ZMYND15: variants seen among roughly 807,000 people sequenced by gnomAD.
ZMYND15 encodes zinc finger MYND domain-containing protein 15.
Under a neutral mutation model 81.7 loss-of-function variants are expected in ZMYND15, and 54 were observed. That is an observed-to-expected ratio of 0.66 (90% CI 0.53 to 0.83). The LOEUF (loss-of-function observed/expected upper bound fraction) is 0.83. Among genes scored for constraint, ZMYND15 ranks in the 40% least tolerant of loss-of-function variants. The pLI, the probability that ZMYND15 is intolerant of heterozygous loss-of-function variation, is 0.00. For synonymous variants in ZMYND15, 399 were observed against 387.0 expected (o/e 1.03, Z -0.36); for missense variants, 925 against 973.5 (o/e 0.95, Z 0.66).
Position 4,745,318 on chromosome 17 carries a change from A to C in ZMYND15, c.2000A>C (p.Gln667Pro). The C allele has an allele frequency of 1.2e-6, 2 of 1,610,864 alleles. No homozygotes were observed. The highest frequency in any genetic ancestry group is 1.7e-6 in the Non-Finnish European group (2 of 1,178,798). ...ACTGGAGGGGGCACCAGCCCTCCCCAGCCCAACCCCTTCCGCTCCCCCTTT... is the reference window on the plus strand; with the variant it reads ...ACTGGAGGGGGCACCAGCCCTCCCCCGCCCAACCCCTTCCGCTCCCCCTTT... The part of the protein sequence containing the change: ...VATGGGTSPP[Q>P]PNPFRSPFRL... The change falls in exon 13 of 14, where the codon CAG becomes CCG. Residue 667 changes from glutamine to proline, a missense_variant. Gln to Pro is a moderately conservative substitution (Grantham distance 76). Transcript: ENST00000433935. The surrounding 1 kb of genome is among the most constrained non-coding windows in gnomAD (Gnocchi z 5.2).
chr17:4,744,920 C>G lies in ZMYND15; in HGVS notation c.1888C>G (p.Arg630Gly). The change falls in exon 12 of 14, where the codon CGG becomes GGG. Residue 630 changes from arginine (R) to glycine (G), a missense_variant. Physicochemically the swap from Arg to Gly is moderately radical, Grantham distance 125 (BLOSUM62 -2). Transcript: ENST00000433935. This position sits in a 1 kb window ranked among gnomAD's most constrained non-coding sequence, Gnocchi z 4.1. ...LKDTWLRSLP[R>G]LQSLRVPAFF... ...GGATACGTGGCTGAGGTCTCTGCCC[C>G]GGTTACAGGTGGGCAATGGGGGCAA... is the stretch of plus-strand genomic sequence containing the variant. 6.2e-7 allele frequency: 1 copy of G among 1,614,104 alleles called. No individual in the cohort carries two copies. Among genetic ancestry groups the G allele is most frequent in the Non-Finnish European group, 8.5e-7 (1 of 1,179,996 alleles).
chr17:4,745,766 G>T lies in ZMYND15; in HGVS notation c.2058-53G>T. 1.5e-6 allele frequency: 2 copies of T among 1,337,280 alleles called. No individual in the cohort carries two copies. Among genetic ancestry groups the T allele is most frequent in the Non-Finnish European group, 2.0e-6 (2 of 1,013,594 alleles). 82.8% of individuals were successfully genotyped at this position (1,337,280 alleles called of 1,614,324 possible). A position where few individuals can be genotyped will look rare whatever the true frequency, so the allele number is the denominator to read the frequency against. On this transcript the variant is annotated intron_variant, in intron 13 of 13. Transcript: ENST00000433935. This position sits in a 1 kb window ranked among gnomAD's most constrained non-coding sequence, Gnocchi z 5.2. ...GGGAGCCCCGACCCCTGGGAGCGCCGACCCCTGGGAGTCCCGCCCCGTGGT... is the reference window on the plus strand; with the variant it reads ...GGGAGCCCCGACCCCTGGGAGCGCCTACCCCTGGGAGTCCCGCCCCGTGGT...
Position 4,744,383 on chromosome 17 carries a change from G to A in ZMYND15, c.1599G>A (p.Leu533=). ...LVMVFWELLV[L]LPHVALELQF... is the part of the protein sequence containing the mutation. Reference sequence around the variant, plus strand: ...CTGTCCTTCAGGAGCTTTTGGTCCTGCTCCCCCATGTGGCCCTGGAGCTGC... The same window carrying A: ...CTGTCCTTCAGGAGCTTTTGGTCCTACTCCCCCATGTGGCCCTGGAGCTGC... Residue 533 remains leucine (L), a synonymous_variant, in exon 10 of 14, where the codon CTG becomes CTA. Transcript: ENST00000433935. The surrounding 1 kb of genome is among the most constrained non-coding windows in gnomAD (Gnocchi z 4.1). 1.2e-6 allele frequency: 2 copies of A among 1,614,052 alleles called. No homozygotes were observed. Among genetic ancestry groups the A allele is most frequent in the Non-Finnish European group, 1.7e-6 (2 of 1,180,010 alleles).
At position 4,742,381 on chromosome 17, in the gene ZMYND15, A is replaced by G. The variant is rs1336643620; in HGVS notation, c.1034A>G (p.Asp345Gly). Residue 345 changes from aspartate to glycine, a missense_variant, in exon 5 of 14, where the codon GAC (aspartate) becomes GGC (glycine). Coordinates refer to ENST00000433935, the MANE Select transcript of ZMYND15 (RefSeq NM_001136046.3). ...TGTGGAGAGGCTTGTCTCCGGGCTG[A>G]CTGGCAGCGGTGCCCAGATGATGTG... ...LYCGEACLRA[D>G]WQRCPDDVSH... is the part of the protein sequence containing the mutation. 6.2e-7 allele frequency: 1 copy of G among 1,614,136 alleles called. No homozygotes were observed. The highest frequency in any genetic ancestry group is 2.2e-5 in the East Asian group (1 of 44,892).
chr17:4,745,085 T>C lies in ZMYND15; in HGVS notation c.1897-130T>C, dbSNP rs1447579783. ...GTCCCCCTGCCTCTCTCTGTGTCTG[T>C]CTCCGTCCTCCCCCTGCTCCCCTCC... On this transcript the variant is annotated intron_variant, in intron 12 of 13. Coordinates refer to ENST00000433935, the MANE Select transcript of ZMYND15 (RefSeq NM_001136046.3). This position sits in a 1 kb window ranked among gnomAD's most constrained non-coding sequence, Gnocchi z 5.2. 35 of 1,554,830 alleles carry C rather than the reference T, an allele frequency of 2.3e-5. No individual in the cohort carries two copies. Among genetic ancestry groups the C allele is most frequent in the Non-Finnish European group, 2.7e-5 (31 of 1,135,238 alleles).
At position 4,743,439 on chromosome 17, in the gene ZMYND15, C is replaced by T; in HGVS notation, c.1281C>T (p.Leu427=). Residue 427 remains leucine (L), a synonymous_variant, in exon 6 of 14, where the codon CTC becomes CTT. Transcript: ENST00000433935. This position sits in a 1 kb window ranked among gnomAD's most constrained non-coding sequence, Gnocchi z 4.3. Reference sequence around the variant, plus strand: ...ACCCCCGAGGCAACACGCCATCCCTCAGCCTTCTTCGCGGTGGTGCGTGGG... The same window carrying T: ...ACCCCCGAGGCAACACGCCATCCCTTAGCCTTCTTCGCGGTGGTGCGTGGG... ...SRHPRGNTPS[L]SLLRGGDPYQ... is the part of the protein sequence containing the mutation. The T allele has an allele frequency of 6.2e-7, 1 of 1,614,150 alleles. No individual in the cohort carries two copies. The highest frequency in any genetic ancestry group is 8.5e-7 in the Non-Finnish European group (1 of 1,180,024).
At position 4,743,614 on chromosome 17, in the gene ZMYND15, T is replaced by C; in HGVS notation, c.1298-153T>C. Reference sequence around the variant, plus strand: ...TCCCAGCCCTCAATGGAATCACCCCTACCAACTCCACCCAGAAACCCCATC... The same window carrying C: ...TCCCAGCCCTCAATGGAATCACCCCCACCAACTCCACCCAGAAACCCCATC... On this transcript the variant is annotated intron_variant, in intron 6 of 13. Coordinates refer to ENST00000433935, the MANE Select transcript of ZMYND15 (RefSeq NM_001136046.3). This position sits in a 1 kb window ranked among gnomAD's most constrained non-coding sequence, Gnocchi z 4.3. 3.9e-6 allele frequency: 5 copies of C among 1,297,440 alleles called. No homozygotes were observed. Among genetic ancestry groups the C allele is most frequent in the South Asian group, 1.4e-5 (1 of 69,718 alleles). The allele number at this position is 1,297,440 out of a possible 1,614,324, so 80.4% of individuals were successfully genotyped here. A position where few individuals can be genotyped will look rare whatever the true frequency, so the allele number is the denominator to read the frequency against.
At position 4,741,151 on chromosome 17, in the gene ZMYND15, A is replaced by C. The variant is rs368818352; in HGVS notation, c.592+11A>C. ...AGGGACAGAGGAGTGGTAAGAACCC[A>C]GGGCTGGCCCTGCCCTACCCCTTGC... On this transcript the variant is annotated intron_variant, in intron 2 of 13. Transcript: ENST00000433935. The C allele has an allele frequency of 4.7e-5, 67 of 1,439,122 alleles. No homozygotes were observed. In the African/African-American group the frequency reaches 9.6e-4, roughly 21 times the overall value. The allele number at this position is 1,439,122 out of a possible 1,614,324, so 89.1% of individuals were successfully genotyped here.
chr17:4,740,658 A>T lies in ZMYND15; in HGVS notation c.110A>T (p.Glu37Val). Residue 37 changes from glutamate to valine, a missense_variant, in exon 2 of 14, where the codon GAG becomes GTG. Coordinates refer to ENST00000433935, the MANE Select transcript of ZMYND15 (RefSeq NM_001136046.3). ...CGTGGAGCTGTAGGGACTAGCCTTG[A>T]GGGCCGCTGCCGGCAGCTGGAGGCC... ...AERGAVGTSLEGRCRQLEAQI... is the reference protein window; with the variant it reads ...AERGAVGTSLVGRCRQLEAQI... 1 of 1,614,180 alleles carries T rather than the reference A, an allele frequency of 6.2e-7. No homozygotes were observed. The highest frequency in any genetic ancestry group is 1.1e-5 in the South Asian group (1 of 91,082).
Position 4,744,605 on chromosome 17 carries a change from C to T in ZMYND15, c.1684-20C>T, listed in dbSNP as rs764993021. The stretch of plus-strand genomic sequence containing the variant: ...CCTGACTTCCAGTGGCTTTTCCACC[C>T]CACTCCTGGGGCCCCTCAGGACAGC... On this transcript the variant is annotated intron_variant, in intron 10 of 13. Transcript: ENST00000433935. This position sits in a 1 kb window ranked among gnomAD's most constrained non-coding sequence, Gnocchi z 4.1. The T allele has an allele frequency of 2.1e-5, 34 of 1,605,600 alleles. No individual in the cohort carries two copies. The South Asian group carries it at 3.5e-4, about 17-fold the overall frequency.
In ZMYND15 at chr17:4,743,539, C is replaced by T; in HGVS notation, c.1297+84C>T. 1.3e-6 allele frequency: 2 copies of T among 1,564,528 alleles called. No homozygotes were observed. The highest frequency in any genetic ancestry group is 1.2e-5 in the South Asian group (1 of 85,150). On this transcript the variant is annotated intron_variant, in intron 6 of 13. Coordinates refer to ENST00000433935, the MANE Select transcript of ZMYND15 (RefSeq NM_001136046.3). The surrounding 1 kb of genome is among the most constrained non-coding windows in gnomAD (Gnocchi z 4.3). ...GTTGTCTGGGTCCCAGATGATCCCTCCACATACACACTGACCCCTACCAAC... is the reference window on the plus strand; with the variant it reads ...GTTGTCTGGGTCCCAGATGATCCCTTCACATACACACTGACCCCTACCAAC...
At chr17:4,741,558 C>G in intron 2 of ZMYND15, 24 bp from the exon 3 acceptor site, 1 of 1,613,418 alleles carries the variant, frequency 6.2e-7, no homozygotes, top group Non-Finnish European at 8.5e-7. Flanking sequence ...CCCCTACCAC[C>G]TCAACTTTTC....
Position 4,745,682 on chromosome 17 carries a change from GC to G in ZMYND15, c.2058-132del. 3 of 523,272 alleles carry G rather than the reference GC, an allele frequency of 5.7e-6. No individual in the cohort carries two copies. The highest frequency in any genetic ancestry group is 6.4e-6 in the Non-Finnish European group (2 of 310,344). 32.4% of individuals were successfully genotyped at this position (523,272 alleles called of 1,614,324 possible). On this transcript the variant is annotated intron_variant, in intron 13 of 13. Coordinates refer to ENST00000433935, the MANE Select transcript of ZMYND15 (RefSeq NM_001136046.3). This position sits in a 1 kb window ranked among gnomAD's most constrained non-coding sequence, Gnocchi z 5.2. ...CCTGGAACTCAGAGGGGCAAGCCCC[GC>G]CCCCTGGTCCCTGACCGCCCGGTGG...
intron 2 of ZMYND15, 35 bp downstream of exon 2, chr17:4,741,175 G>A: frequency 7.1e-7 from 1 of 1,399,096 alleles, no homozygotes; most frequent in South Asian, 1.8e-5. Flanking sequence ...CCTACCCCTT[G>A]CCCAGCCATC....
At chr17:4,740,130 C>T in intron 1 of ZMYND15, 80 bp downstream of exon 1, 3 of 959,714 alleles carry the variant, frequency 3.1e-6, no homozygotes, top group Non-Finnish European at 3.7e-6. Flanking sequence ...CAGGGAACCC[C>T]CTCGCTCCCA....
In ZMYND15 at chr17:4,741,690, G is replaced by T; in HGVS notation, c.701G>T (p.Gly234Val). The T allele has an allele frequency of 1.2e-6, 2 of 1,614,100 alleles. No homozygotes were observed. The highest frequency in any genetic ancestry group is 2.2e-5 in the South Asian group (2 of 91,074). Residue 234 changes from glycine to valine, a missense_variant, in exon 3 of 14, where the codon GGC (glycine) becomes GTC (valine). Transcript: ENST00000433935. Reference protein sequence around the residue: ...VDGAQGTASWGSGTKDLAPWA... With the variant: ...VDGAQGTASWVSGTKDLAPWA... ...GGAGCCCAGGGAACCGCAAGCTGGG[G>T]CTCAGGGACCAAGGACCTGGCTCCT... is the stretch of plus-strand genomic sequence containing the variant.
intron 1 of ZMYND15, 46 bp from the exon 2 acceptor site, chr17:4,740,473 A>G: frequency 6.8e-7 from 1 of 1,480,134 alleles, no homozygotes; most frequent in Non-Finnish European, 9.0e-7. Context: ...CCCAAACTCC[A>G]TCATTGCTCT....
At position 4,745,303 on chromosome 17, in the gene ZMYND15, G is replaced by T; in HGVS notation, c.1985G>T (p.Gly662Val). The T allele has an allele frequency of 1.9e-6, 3 of 1,613,664 alleles. No homozygotes were observed. The highest frequency in any genetic ancestry group is 2.5e-6 in the Non-Finnish European group (3 of 1,179,826). Residue 662 changes from glycine to valine, a missense_variant, in exon 13 of 14, where the codon GGC becomes GTC. Transcript: ENST00000433935. The surrounding 1 kb of genome is among the most constrained non-coding windows in gnomAD (Gnocchi z 5.2). ...ACCATGGCGGTGGCCACTGGAGGGG[G>T]CACCAGCCCTCCCCAGCCCAACCCC... ...GQTMAVATGGGTSPPQPNPFR... is the reference protein window; with the variant it reads ...GQTMAVATGGVTSPPQPNPFR...
chr17:4,744,711 C>A lies in ZMYND15; in HGVS notation c.1770C>A (p.Asp590Glu). Reference protein sequence around the residue: ...SGTKEKGGRRDLQIKVSARPY... With the variant: ...SGTKEKGGRRELQIKVSARPY... ...CTAAGGAGAAAGGGGGCCGCAGGGA[C>A]CTGCAGATCAAGGTGTCAGCAAGGC... Residue 590 changes from aspartate to glutamate, a missense_variant, in exon 11 of 14, where the codon GAC (aspartate) becomes GAA (glutamate). Physicochemically the swap from Asp to Glu is conservative, Grantham distance 45. Transcript: ENST00000433935. The surrounding 1 kb of genome is among the most constrained non-coding windows in gnomAD (Gnocchi z 4.1). The A allele has an allele frequency of 4.3e-6, 7 of 1,614,104 alleles. No individual in the cohort carries two copies. Among genetic ancestry groups the A allele is most frequent in the Non-Finnish European group, 5.1e-6 (6 of 1,180,022 alleles).
Sources: gnomAD v4.1 joint callset for allele counts on GRCh38, gnomAD v4.1.1 for gene constraint, Gnocchi (gnomAD v3.1) non-coding constraint, MANE v1.5 for transcripts, NCBI Gene and HGNC (gene_info 2026-07-23, HGNC 2026-07-21) for gene names.